ITGA6: variants seen among roughly 807,000 people sequenced by gnomAD.
The protein encoded by ITGA6 is integrin subunit alpha 6, also known as integrin alpha-6.
A neutral mutation model predicts 133.6 loss-of-function variants in ITGA6; 63 were observed. That is an observed-to-expected ratio of 0.47 (90% confidence interval 0.38 to 0.58). The LOEUF (loss-of-function observed/expected upper bound fraction) is 0.58. Among genes scored for constraint, ITGA6 ranks in the 20% least tolerant of loss-of-function variants. The pLI is 0.00. For missense variants in ITGA6, 1,068 were observed against 1,309.4 expected (o/e 0.82, Z 2.85); for synonymous variants, 434 against 482.0 (o/e 0.90, Z 1.30).
At chr2:172,489,823 T>G (rs1056168508) in intron 20 of ITGA6, 165 bp downstream of exon 20, 1 of 660,214 alleles carries the variant, frequency 1.5e-6, no homozygotes. Flanking sequence ...TGAGGGAGGC[T>G]GAGGCATTTT....
intron 1 of ITGA6, among the ~76,000 whole-genome samples, chr2:172,453,178 A>G (rs1219951269): frequency 1.3e-5 from 2 of 152,230 alleles, no homozygotes; most frequent in African/African-American, 4.8e-5. Flanking sequence ...CTTTTTGTTT[A>G]AAACAATGCT....
At chr2:172,465,507 A>G (rs777406141) in intron 1 of ITGA6, 32 bp from the exon 2 acceptor site, 8 of 1,613,458 alleles carry the variant, frequency 5.0e-6, no homozygotes, top group Non-Finnish European at 6.8e-6. Context: ...TATTAAATTC[A>G]AATCTCCAAA....
intron 5 of ITGA6, 39 bp from the exon 6 acceptor site, chr2:172,474,015 TG>T: frequency 7.0e-7 from 1 of 1,429,622 alleles, no homozygotes; most frequent in Non-Finnish European, 9.8e-7. Context: ...CTAAAATATA[TG>T]GATTGATGTG....
intron 1 of ITGA6, among the ~76,000 whole-genome samples, chr2:172,441,003 C>T (rs7596259): frequency 0.21 from 31,777 of 151,942 alleles, 4,627 homozygotes; most frequent in East Asian, 0.78. Context: ...TGTATTAAGG[C>T]CATCTTTAGC....
Position 172,484,787 on chromosome 2 carries a change from G to C in ITGA6, c.1555G>C (p.Val519Leu). The change falls in exon 12 of 26, where the codon GTG becomes CTG. Residue 519 changes from valine to leucine, a missense_variant. By Grantham distance (32) the Val-to-Leu change is conservative (BLOSUM62 1). Coordinates refer to ENST00000684293, the MANE Select transcript of ITGA6 (RefSeq NM_000210.4). Reference protein sequence around the residue: ...PAGYNPSISIVGTLEAEKERR... With the variant: ...PAGYNPSISILGTLEAEKERR... Reference sequence around the variant, plus strand: ...ATGATTTTAATTTTATCTAGCAATTGTGGGCACACTTGAAGCTGAAAAAGA... The same window carrying C: ...ATGATTTTAATTTTATCTAGCAATTCTGGGCACACTTGAAGCTGAAAAAGA... The C allele has an allele frequency of 6.2e-7, 1 of 1,613,916 alleles. No individual in the cohort carries two copies. The highest frequency in any genetic ancestry group is 1.7e-5 in the Admixed American group (1 of 60,024).
chr2:172,484,107 A>G (rs13398305), intron 11 of ITGA6, among the ~76,000 whole-genome samples: 31,639 of 152,128 alleles, frequency 0.21, 4,791 homozygotes, highest in African/African-American at 0.43. Context: ...CACTGTGCCC[A>G]TCCTCTTTTT....
At chr2:172,467,661 G>A (rs548876203) in intron 3 of ITGA6, 101 bp downstream of exon 3, 23 of 912,618 alleles carry the variant, frequency 2.5e-5, no homozygotes, top group African/African-American at 1.1e-4. Flanking sequence ...ACATTCTAGC[G>A]AACTTACTGC....
chr2:172,481,884 T>A, intron 11 of ITGA6, among the ~76,000 whole-genome samples: 1 of 152,346 alleles, frequency 6.6e-6, no homozygotes, highest in African/African-American at 2.4e-5. Context: ...ATTTGTGTTA[T>A]TTTTACCCAA....
At position 172,457,282 on chromosome 2, in the gene ITGA6, G is replaced by A. The variant is rs1685246840; in HGVS notation, c.183-8257G>A. Among the ~76,000 whole-genome samples the A allele has an allele frequency of 2.4e-5, 3 of 123,840 alleles. 1 individual carries two copies. Among genetic ancestry groups the A allele is most frequent in the East Asian group, 4.7e-4 (2 of 4,246 alleles). The allele number at this position is 123,840 out of a possible 152,430, so 81.2% of individuals were successfully genotyped here. On this transcript the variant is annotated intron_variant, in intron 1 of 25. Coordinates refer to ENST00000684293, the MANE Select transcript of ITGA6 (RefSeq NM_000210.4). ...TGCACTTCAGCCTGGGTGACAGAGC[G>A]AGATTCTGTCTCCAAAAAAAAAAAA... is the stretch of plus-strand genomic sequence containing the variant.
At chr2:172,431,078 C>G (rs1379485095) in intron 1 of ITGA6, among the ~76,000 whole-genome samples, 1 of 152,216 alleles carries the variant, frequency 6.6e-6, no homozygotes, top group East Asian at 1.9e-4. Flanking sequence ...GGGTCTCTCT[C>G]TCTGACCACC....
chr2:172,437,250 C>T (rs938292069), intron 1 of ITGA6, among the ~76,000 whole-genome samples: 2 of 152,170 alleles, frequency 1.3e-5, no homozygotes, highest in African/African-American at 4.8e-5. Context: ...GGCCTGCAGC[C>T]TTGAGAGTAG....
Position 172,469,230 on chromosome 2 carries a change from G to T in ITGA6, c.493G>T (p.Asp165Tyr), listed in dbSNP as rs770652372. 3 of 1,614,074 alleles carry T rather than the reference G, an allele frequency of 1.9e-6. No individual in the cohort carries two copies. ...YVLSQNLRIE[D>Y]DMDGGDWSFC... ...CCTGAGTCAGAATCTCAGGATTGAA[G>T]ACGATATGGATGGGGGAGATTGGAG... The change falls in exon 4 of 26, where the codon GAC (aspartate) becomes TAC (tyrosine). Residue 165 changes from aspartate to tyrosine, a missense_variant. Physicochemically the swap from Asp to Tyr is radical, Grantham distance 160. Coordinates refer to ENST00000684293, the MANE Select transcript of ITGA6 (RefSeq NM_000210.4).
intron 1 of ITGA6, among the ~76,000 whole-genome samples, chr2:172,430,809 G>T (rs765686908): frequency 6.6e-6 from 1 of 152,188 alleles, no homozygotes; most frequent in African/African-American, 2.4e-5. Flanking sequence ...TTGGTCCGCC[G>T]AGTGACTGAG....
At chr2:172,437,323 A>G (rs1326699019) in intron 1 of ITGA6, among the ~76,000 whole-genome samples, 3 of 152,218 alleles carry the variant, frequency 2.0e-5, no homozygotes, top group African/African-American at 4.8e-5. Flanking sequence ...ATAAACAGAT[A>G]AGAGATGGTG....
chr2:172,498,690 C>G (rs1263792763), intron 24 of ITGA6, among the ~76,000 whole-genome samples: 4 of 152,154 alleles, frequency 2.6e-5, no homozygotes, highest in African/African-American at 4.8e-5. Flanking sequence ...TCCCCTGATT[C>G]TACCAGTAAA....
At chr2:172,453,429 G>A (rs950783160) in intron 1 of ITGA6, among the ~76,000 whole-genome samples, 1 of 152,200 alleles carries the variant, frequency 6.6e-6, no homozygotes, top group African/African-American at 2.4e-5. Context: ...TTGGGCTGAG[G>A]TGGGAGGATT....
At chr2:172,474,857 T>C in intron 6 of ITGA6, 72 bp from the exon 7 acceptor site, 9 of 802,146 alleles carry the variant, frequency 1.1e-5, no homozygotes, top group South Asian at 2.7e-5. Flanking sequence ...CTTTGTATCC[T>C]TAGTACCTAG....
chr2:172,498,989 A>G (rs781723623), intron 24 of ITGA6, among the ~76,000 whole-genome samples: 2 of 152,176 alleles, frequency 1.3e-5, no homozygotes, highest in Non-Finnish European at 2.9e-5. Flanking sequence ...GCAGTGCATT[A>G]CTCATTTTAA....
In ITGA6 at chr2:172,448,560, TG is replaced by T. The variant is rs543627080; in HGVS notation, c.183-16975del. Among the ~76,000 whole-genome samples the T allele has an allele frequency of 2.5e-4, 38 of 152,366 alleles. No homozygotes were observed. The South Asian group carries it at 7.9e-3, about 32-fold the overall frequency. On this transcript the variant is annotated intron_variant, in intron 1 of 25. Transcript: ENST00000684293. ...TGAGAGCATAGGAGATGATAGCTGT[TG>T]GGGCATTATTAATAATAGCTTGTTT...
Sources: allele counts gnomAD v4.1 joint callset (sites outside exome capture counted in the v4.1 genomes callset), GRCh38; gene constraint gnomAD v4.1.1; transcripts MANE v1.5; gene names NCBI Gene and HGNC (gene_info 2026-07-23, HGNC 2026-07-21).